ATOX1: variants seen among roughly 807,000 people sequenced by gnomAD.
ATOX1 encodes antioxidant 1 copper chaperone, also known as copper transport protein ATOX1.
ATOX1 carries 4 observed loss-of-function variants against 7.3 expected under a neutral mutation model. The ratio of observed to expected loss-of-function variants is 0.55; its 90% CI spans 0.27 to 1.25. ATOX1 has a LOEUF of 1.25. Ranked by LOEUF, ATOX1 falls within the 50% of genes most tolerant of loss-of-function variation. The probability of loss-of-function intolerance (pLI) is 0.12; values close to 1 mark genes in which losing one functional copy is unlikely to be tolerated. For synonymous variants in ATOX1, 25 were observed against 28.7 expected, an observed-to-expected ratio of 0.87 and a Z score of 0.41; for missense variants, 68 against 81.6, an observed-to-expected ratio of 0.83 and a Z score of 0.64.
chr5:151,757,888 T>C (rs567629253), intron 1 of ATOX1, among the ~76,000 whole-genome samples: 59 of 152,366 alleles, frequency 3.9e-4, no homozygotes, highest in Middle Eastern at 3.4e-3. Flanking sequence ...ATATATGTGA[T>C]AAGACTGAGT....
chr5:151,751,256 CAAAAA>C (rs59348695), intron 2 of ATOX1, among the ~76,000 whole-genome samples: 3 of 63,482 alleles, frequency 4.7e-5, no homozygotes, highest in African/African-American at 5.8e-5. Flanking sequence ...AACTCTGTCT[CAAAAA>C]AAAAAAAAAA....
At chr5:151,757,444 G>A (rs1762032001) in intron 1 of ATOX1, among the ~76,000 whole-genome samples, 1 of 152,188 alleles carries the variant, frequency 6.6e-6, no homozygotes, top group South Asian at 2.1e-4. Flanking sequence ...GTTGTTGGAG[G>A]ATTTGTCTCA....
At chr5:151,748,715 AGCTCAGTGTGTG>A (rs1761908150) in intron 2 of ATOX1, among the ~76,000 whole-genome samples, 1 of 152,048 alleles carries the variant, frequency 6.6e-6, no homozygotes, top group African/African-American at 2.4e-5. Context: ...TACAAAAATT[AGCTCAGTGTGTG>A]GCATGTGCCT....
At chr5:151,757,894 T>A (rs1350933550) in intron 1 of ATOX1, among the ~76,000 whole-genome samples, 1 of 152,228 alleles carries the variant, frequency 6.6e-6, no homozygotes, top group Non-Finnish European at 1.5e-5. Context: ...GTGATAAGAC[T>A]GAGTGATCTG....
chr5:151,742,877 T>A lies in ATOX1; in HGVS notation c.*129A>T, dbSNP rs1346675862. The A allele has an allele frequency of 6.6e-6, 1 of 152,300 alleles. No individual in the cohort carries two copies. 9.4% of individuals were successfully genotyped at this position (152,300 alleles called of 1,614,324 possible). A position where few individuals can be genotyped will look rare whatever the true frequency, so the allele number is the denominator to read the frequency against. On this transcript the variant is annotated 3_prime_UTR_variant, in exon 4 of 4. Coordinates refer to ENST00000313115, the MANE Select transcript of ATOX1 (RefSeq NM_004045.4). ...GGAAGCTAGGAAGGAATAGGACAAC[T>A]GAGGGTCTCCGCAGGAACACCATCA...
chr5:151,743,593 G>C (rs1337665667), intron 3 of ATOX1: 1 of 152,138 alleles, frequency 6.6e-6, no homozygotes, highest in African/African-American at 2.4e-5. Flanking sequence ...ATGATGTCTA[G>C]AATTTGCTTC....
At chr5:151,753,484 C>T (rs540689794) in intron 1 of ATOX1, among the ~76,000 whole-genome samples, 1 of 152,252 alleles carries the variant, frequency 6.6e-6, no homozygotes, top group South Asian at 2.1e-4. Flanking sequence ...TGTTTCCCTT[C>T]AAAAATCAAT....
intron 2 of ATOX1, among the ~76,000 whole-genome samples, chr5:151,747,697 G>C (rs1156466401): frequency 1.3e-5 from 2 of 151,674 alleles, no homozygotes; most frequent in African/African-American, 4.8e-5. Flanking sequence ...CGATTCTTCT[G>C]CCTCAGCCAG....
intron 3 of ATOX1, chr5:151,744,551 C>T (rs1364961763): frequency 6.6e-6 from 1 of 152,082 alleles, no homozygotes; most frequent in East Asian, 1.9e-4. Context: ...TAAAAAAGTT[C>T]GTATGCCCAG....
chr5:151,757,838 G>T (rs950346846), intron 1 of ATOX1, among the ~76,000 whole-genome samples: 4 of 152,116 alleles, frequency 2.6e-5, no homozygotes, highest in Non-Finnish European at 5.9e-5. Context: ...TCTGCCAAAG[G>T]CCTCAATTCT....
chr5:151,758,446 G>A, intron 1 of ATOX1, 100 bp downstream of exon 1: 1 of 1,379,492 alleles, frequency 7.2e-7, no homozygotes, highest in Non-Finnish European at 9.4e-7. Flanking sequence ...TCCGGCCGCC[G>A]CCTGAGCCCT....
chr5:151,755,269 T>C (rs1762000682), intron 1 of ATOX1, among the ~76,000 whole-genome samples: 1 of 152,212 alleles, frequency 6.6e-6, no homozygotes, highest in Admixed American at 6.5e-5. Context: ...TGATTGTCTA[T>C]TACATGTCAA....
At chr5:151,755,302 G>A (rs1359356212) in intron 1 of ATOX1, among the ~76,000 whole-genome samples, 1 of 152,186 alleles carries the variant, frequency 6.6e-6, no homozygotes, top group East Asian at 1.9e-4. Flanking sequence ...CAGTATCTAA[G>A]TTAGTCCTCA....
At chr5:151,746,530 T>C in intron 2 of ATOX1, 81 bp from the exon 3 acceptor site, 1 of 1,575,990 alleles carries the variant, frequency 6.3e-7, no homozygotes. Context: ...AGGCTCTAAA[T>C]TACTACTCAC....
intron 1 of ATOX1, 109 bp from the exon 2 acceptor site, chr5:151,751,888 AGGACCT>A: frequency 9.0e-7 from 1 of 1,115,928 alleles, no homozygotes; most frequent in Non-Finnish European, 1.3e-6. Context: ...GAGACTGGGC[AGGACCT>A]GGTTGGCATC....
chr5:151,757,866 C>T (rs984976905), intron 1 of ATOX1, among the ~76,000 whole-genome samples: 2 of 152,306 alleles, frequency 1.3e-5, no homozygotes, highest in African/African-American at 2.4e-5. Flanking sequence ...AAAAACGAGG[C>T]CACGAGCAAC....
At chr5:151,749,849 A>G (rs1761925155) in intron 2 of ATOX1, among the ~76,000 whole-genome samples, 1 of 152,106 alleles carries the variant, frequency 6.6e-6, no homozygotes, top group Non-Finnish European at 1.5e-5. Context: ...TTAAGATCCC[A>G]GTTTACAGGG....
intron 1 of ATOX1, among the ~76,000 whole-genome samples, chr5:151,754,487 C>T (rs1341578496): frequency 6.6e-6 from 1 of 152,052 alleles, no homozygotes; most frequent in African/African-American, 2.4e-5. Context: ...GTGGCAGGTG[C>T]CTGTAATCCC....
At chr5:151,746,910 T>C (rs1396467501) in intron 2 of ATOX1, among the ~76,000 whole-genome samples, 1 of 152,104 alleles carries the variant, frequency 6.6e-6, no homozygotes, top group African/African-American at 2.4e-5. Flanking sequence ...ATTTTTGTAT[T>C]TTTAGTAGAG....
Sources: gnomAD v4.1 joint callset for allele counts (sites outside exome capture counted in the v4.1 genomes callset) on GRCh38, gnomAD v4.1.1 for gene constraint, MANE v1.5 for transcripts, NCBI Gene and HGNC (gene_info 2026-07-23, HGNC 2026-07-21) for gene names.